Variants in KCNJ6 observed in about 807,000 individuals in gnomAD.
KCNJ6 encodes the protein G protein-activated inward rectifier potassium channel 2.
Under a neutral mutation model 34.2 loss-of-function variants are expected in KCNJ6, and 9 were observed. That is an observed-to-expected ratio of 0.26 (90% confidence interval 0.16 to 0.46). The LOEUF (loss-of-function observed/expected upper bound fraction) is 0.46. Ranked by LOEUF, KCNJ6 falls within the 20% of genes least tolerant of loss-of-function variation. KCNJ6 has a pLI of 1.00. For synonymous variants in KCNJ6, 196 were observed against 207.1 expected (o/e 0.95, Z 0.46); for missense variants, 236 against 531.3 (o/e 0.44, Z 5.46).
At chr21:37,883,503 G>C (rs1387026451) in intron 1 of KCNJ6, among the ~76,000 whole-genome samples, 1 of 152,164 alleles carries the variant, frequency 6.6e-6, no homozygotes, top group African/African-American at 2.4e-5. Context: ...TCATCTGATG[G>C]TCTTGCTTGA....
rs1315710414 is a variant in KCNJ6, at chr21:37,814,323, G to T, written c.25+26335C>A. Among the ~76,000 whole-genome samples the T allele has an allele frequency of 2.0e-5, 3 of 152,204 alleles. No individual in the cohort carries two copies. In the East Asian group the frequency reaches 5.8e-4, roughly 29 times the overall value. ...GAAGAAAAGGGAGCCCTTGTATGCT[G>T]TTGGTGAGAATGCAAATTAGTACAA... On this transcript the variant is annotated intron_variant, in intron 2 of 3. Transcript: ENST00000609713.
At chr21:37,843,390 A>T (rs533368884) in intron 1 of KCNJ6, among the ~76,000 whole-genome samples, 1 of 152,306 alleles carries the variant, frequency 6.6e-6, no homozygotes, top group African/African-American at 2.4e-5. Flanking sequence ...AGACTGACTC[A>T]TCTATATCAT....
At chr21:37,795,331 A>G (rs1327708791) in intron 2 of KCNJ6, among the ~76,000 whole-genome samples, 1 of 152,164 alleles carries the variant, frequency 6.6e-6, no homozygotes, top group Admixed American at 6.5e-5. Context: ...TACAATGTGT[A>G]CAGCAGGAGG....
intron 1 of KCNJ6, among the ~76,000 whole-genome samples, chr21:37,874,337 C>T (rs2055667258): frequency 6.6e-6 from 1 of 152,216 alleles, no homozygotes; most frequent in Admixed American, 6.5e-5. Context: ...CCCCAGGGCT[C>T]ACTAGGACAT....
chr21:37,708,502 G>T (rs2054732882), intron 3 of KCNJ6, among the ~76,000 whole-genome samples: 1 of 152,186 alleles, frequency 6.6e-6, no homozygotes, highest in Non-Finnish European at 1.5e-5. Context: ...TACACTTAAT[G>T]CTCAAAAAGA....
intron 2 of KCNJ6, among the ~76,000 whole-genome samples, chr21:37,791,290 T>A (rs529644426): frequency 6.6e-6 from 1 of 152,324 alleles, no homozygotes; most frequent in South Asian, 2.1e-4. Context: ...AAAATGATAG[T>A]GTTACTCTTG....
chr21:37,637,801 CAG>C (rs2054364592), intron 3 of KCNJ6, among the ~76,000 whole-genome samples: 1 of 152,158 alleles, frequency 6.6e-6, no homozygotes, highest in Non-Finnish European at 1.5e-5. Flanking sequence ...GAAGAGACAA[CAG>C]AGCATGTGTA....
At chr21:37,731,876 G>A (rs1049643661) in intron 2 of KCNJ6, among the ~76,000 whole-genome samples, 5 of 152,296 alleles carry the variant, frequency 3.3e-5, no homozygotes, top group South Asian at 2.1e-4. Flanking sequence ...AGTCCAGGAT[G>A]AGGAGGCCAA....
At chr21:37,833,157 G>C (rs1308826738) in intron 2 of KCNJ6, among the ~76,000 whole-genome samples, 1 of 152,136 alleles carries the variant, frequency 6.6e-6, no homozygotes, top group African/African-American at 2.4e-5. Flanking sequence ...TGGGATTACA[G>C]GCATGTGCCA....
chr21:37,749,435 A>G (rs1421030643), intron 2 of KCNJ6, among the ~76,000 whole-genome samples: 1 of 152,140 alleles, frequency 6.6e-6, no homozygotes, highest in Non-Finnish European at 1.5e-5. Context: ...GGAGCCCCAT[A>G]GGGACTGCTC....
intron 3 of KCNJ6, among the ~76,000 whole-genome samples, chr21:37,665,754 G>GT (rs67705209): frequency 6.6e-6 from 1 of 152,256 alleles, no homozygotes; most frequent in Admixed American, 6.5e-5. Context: ...TTTTGTAGCC[G>GT]AGCGTTGCTG....
At position 37,735,197 on chromosome 21, in the gene KCNJ6, C is replaced by G. The variant is rs116988444; in HGVS notation, c.26-20066G>C. Among the ~76,000 whole-genome samples the G allele has an allele frequency of 1.3e-5, 2 of 152,152 alleles. 1 individual carries two copies. The highest frequency in any genetic ancestry group is 4.1e-4 in the South Asian group (2 of 4,826). On this transcript the variant is annotated intron_variant, in intron 2 of 3. Coordinates refer to ENST00000609713, the MANE Select transcript of KCNJ6 (RefSeq NM_002240.5). ...AAAGGAGAGTGACATATTACCCAAA[C>G]AGAGGAAGATTCTCTGACACAATGG...
chr21:37,821,718 G>A (rs1350427340), intron 2 of KCNJ6, among the ~76,000 whole-genome samples: 3 of 152,186 alleles, frequency 2.0e-5, no homozygotes, highest in Non-Finnish European at 4.4e-5. Flanking sequence ...TTTCCTAAAT[G>A]TATTGTATAT....
intron 3 of KCNJ6, among the ~76,000 whole-genome samples, chr21:37,697,826 T>A (rs151069179): frequency 0.013 from 2,043 of 152,324 alleles, 22 homozygotes; most frequent in Middle Eastern, 0.041. Context: ...TGGTACATTA[T>A]TCTAAGTTAC....
rs2835898 is a variant in KCNJ6 at position 37,699,478 on chromosome 21, T to A, written c.946+14733A>T. Among the ~76,000 whole-genome samples the A allele has an allele frequency of 2.2e-3, 334 of 152,190 alleles. 5 individuals are homozygous for A. Among genetic ancestry groups the A allele is most frequent in the South Asian group, 0.021 (99 of 4,822 alleles). On this transcript the variant is annotated intron_variant, in intron 3 of 3. Transcript: ENST00000609713. The stretch of plus-strand genomic sequence containing the variant: ...TTAATTAGAAACTTCTGGAAAGCGA[T>A]CACCCTTCCCATGTTTTGCTCTTCT...
chr21:37,872,329 G>GA (rs1221398474), intron 1 of KCNJ6, among the ~76,000 whole-genome samples: 2 of 152,300 alleles, frequency 1.3e-5, no homozygotes, highest in East Asian at 3.9e-4. Flanking sequence ...AACATGCCTA[G>GA]AAATAATATG....
chr21:37,776,735 C>T (rs1485449690), intron 2 of KCNJ6, among the ~76,000 whole-genome samples: 1 of 152,174 alleles, frequency 6.6e-6, no homozygotes. Context: ...TGATGTGCTG[C>T]TGGATTTGGT....
chr21:37,707,711 T>TAGTGTGTGTGTGTGGGG (rs1569449122), intron 3 of KCNJ6, among the ~76,000 whole-genome samples: 1 of 32,984 alleles, frequency 3.0e-5, no homozygotes, highest in Non-Finnish European at 5.5e-5. Context: ...CTTAGCTGTT[T>TAGTGTGTGTGTGTGGGG]AGTATCTGTG....
rs1232363186 is a variant in KCNJ6 at position 37,616,212 on chromosome 21, G to A, written c.*8947C>T. On this transcript the variant is annotated 3_prime_UTR_variant, in exon 4 of 4. Transcript: ENST00000609713. ...CCTCGGTAACCAGGCACCCACAAGTGCTGGGAGTTTCCCCAGAGTACAGTC... is the reference window on the plus strand; with the variant it reads ...CCTCGGTAACCAGGCACCCACAAGTACTGGGAGTTTCCCCAGAGTACAGTC... 6.6e-6 allele frequency: 1 copy of A among 152,270 alleles called. No homozygotes were observed. The allele number at this position is 152,270 out of a possible 1,614,324, so 9.4% of individuals were successfully genotyped here.
Sources: gnomAD v4.1 joint callset for allele counts (sites outside exome capture counted in the v4.1 genomes callset) on GRCh38, gnomAD v4.1.1 for gene constraint, MANE v1.5 for transcripts, NCBI Gene and HGNC (gene_info 2026-07-23, HGNC 2026-07-21) for gene names.